Variants in CRISP3 observed in about 807,000 individuals in gnomAD.
CRISP3 encodes cysteine-rich secretory protein 3.
CRISP3 carries 33 observed loss-of-function variants against 36.1 expected under a neutral mutation model. The observed-to-expected ratio is 0.91, with a 90% CI of 0.69 to 1.22. CRISP3 has a LOEUF of 1.22. Among genes scored for constraint, CRISP3 ranks in the 50% most tolerant of loss-of-function variants. CRISP3 has a pLI of 0.00. For missense variants in CRISP3, 330 were observed against 301.2 expected, an observed-to-expected ratio of 1.10 and a Z score of -0.71; for synonymous variants, 117 against 104.6, an observed-to-expected ratio of 1.12 and a Z score of -0.72.
chr6:49,734,840 T>G (rs1052944599), intron 4 of CRISP3, among the ~76,000 whole-genome samples: 1 of 152,144 alleles, frequency 6.6e-6, no homozygotes, highest in Non-Finnish European at 1.5e-5. Flanking sequence ...TGATAGCTCA[T>G]CCATATGATA....
chr6:49,733,496 C>T (rs113241175), intron 5 of CRISP3, among the ~76,000 whole-genome samples: 6 of 152,090 alleles, frequency 3.9e-5, no homozygotes, highest in African/African-American at 1.2e-4. Context: ...TTTTTGAGAC[C>T]GTTGGACAAA....
In CRISP3 at chr6:49,737,245, A is replaced by G. The variant is rs897429322; in HGVS notation, c.111+80T>C. 8.3e-6 allele frequency: 9 copies of G among 1,090,112 alleles called. No individual in the cohort carries two copies. The African/African-American group carries it at 1.2e-4, about 15-fold the overall frequency. 67.5% of individuals were successfully genotyped at this position (1,090,112 alleles called of 1,614,324 possible). On this transcript the variant is annotated intron_variant, in intron 2 of 7. Transcript: ENST00000263045. ...TGTACCAGACACTCTAGACCTTTTC[A>G]CTTTTGAAGATTGATCTAGTAGCTT...
intron 5 of CRISP3, 52 bp from the exon 6 acceptor site, chr6:49,733,344 C>A (rs1451931469): frequency 1.6e-6 from 2 of 1,215,950 alleles, no homozygotes; most frequent in South Asian, 1.4e-5. Flanking sequence ...GAAGGAAATA[C>A]CAAAAAACAA....
At chr6:49,737,705 A>T (rs1561909464) in intron 1 of CRISP3, among the ~76,000 whole-genome samples, 1 of 152,198 alleles carries the variant, frequency 6.6e-6, no homozygotes, top group Non-Finnish European at 1.5e-5. Context: ...CTGTGTAACT[A>T]CTGTCTTTAG....
In CRISP3 at chr6:49,737,461, TAAC is replaced by T. The variant is rs770416145; in HGVS notation, c.38-66_38-64del. On this transcript the variant is annotated intron_variant, in intron 1 of 7. Transcript: ENST00000263045. Reference sequence around the variant, plus strand: ...AAAATGATTGGTACATGCTGTTGAGTAACATGGGGGTGGGAGAAACGTAATGAC... The same window carrying T: ...AAAATGATTGGTACATGCTGTTGAGTATGGGGGTGGGAGAAACGTAATGAC... The T allele has an allele frequency of 4.0e-5, 62 of 1,564,750 alleles. No homozygotes were observed. The African/African-American group carries it at 8.0e-4, about 20-fold the overall frequency.
In CRISP3 at chr6:49,736,402, T is replaced by C; in HGVS notation, c.217A>G (p.Met73Val). 1 of 1,608,754 alleles carries C rather than the reference T, an allele frequency of 6.2e-7. No homozygotes were observed. Among genetic ancestry groups the C allele is most frequent in the African/African-American group, 1.3e-5 (1 of 74,926 alleles). The change falls in exon 3 of 8, where the codon ATG becomes GTG. Residue 73 changes from methionine to valine, a missense_variant. Physicochemically the swap from Met to Val is conservative, Grantham distance 21. Transcript: ENST00000263045. The part of the protein sequence containing the change: ...RRAVSPPARN[M>V]LKMEWNKEAA... ...ATATCACCTCTTACCATCTTCAGCA[T>C]GTTTCTGGCAGGGGGAGATACTGCT...
At chr6:49,740,039 AT>A (rs1320295522) in intron 1 of CRISP3, among the ~76,000 whole-genome samples, 1 of 152,180 alleles carries the variant, frequency 6.6e-6, no homozygotes, top group Non-Finnish European at 1.5e-5. Flanking sequence ...AAGATTTATG[AT>A]TTCAAATAGT....
chr6:49,733,447 C>A, intron 5 of CRISP3, among the ~76,000 whole-genome samples, 155 bp from the exon 6 acceptor site: 1 of 152,126 alleles, frequency 6.6e-6, no homozygotes, highest in East Asian at 1.9e-4. Flanking sequence ...TTGAATCAAA[C>A]TAAAACACTT....
chr6:49,735,571 T>C lies in CRISP3; in HGVS notation c.249A>G (p.Ala83=). 1 of 1,612,620 alleles carries C rather than the reference T, an allele frequency of 6.2e-7. No homozygotes were observed. The highest frequency in any genetic ancestry group is 8.5e-7 in the Non-Finnish European group (1 of 1,179,148). Residue 83 remains alanine, a synonymous_variant, in exon 4 of 8, where the codon GCA becomes GCG. Transcript: ENST00000263045. ...MLKMEWNKEA[A]ANAQKWANQC... ...GGTTTGCCCACTTTTGGGCATTTGC[T>C]GCAGCCTCTTTGTTCCATTCCTGAA...
intron 4 of CRISP3, 112 bp downstream of exon 4, chr6:49,735,392 A>G: frequency 1.4e-6 from 1 of 736,834 alleles, no homozygotes; most frequent in South Asian, 1.7e-5. Flanking sequence ...ATATTGAAAA[A>G]GGTAGCATTA....
intron 7 of CRISP3, 42 bp downstream of exon 7, chr6:49,731,121 G>C (rs766488619): frequency 7.5e-7 from 1 of 1,331,840 alleles, no homozygotes; most frequent in Non-Finnish European, 1.1e-6. Context: ...AGAAATGTCA[G>C]ATCATTTTAT....
chr6:49,744,273 G>T, intron 1 of CRISP3, 58 bp downstream of exon 1: 3 of 1,250,910 alleles, frequency 2.4e-6, no homozygotes, highest in Non-Finnish European at 3.4e-6. Context: ...AGGTATAAAT[G>T]TGTTGTTCAC....
At chr6:49,743,021 TTATTC>T (rs1446896964) in intron 1 of CRISP3, among the ~76,000 whole-genome samples, 1 of 152,226 alleles carries the variant, frequency 6.6e-6, no homozygotes, top group African/African-American at 2.4e-5. Context: ...TAGTTAATCT[TTATTC>T]TGATCACTTT....
At chr6:49,741,153 A>C (rs988075241) in intron 1 of CRISP3, among the ~76,000 whole-genome samples, 2 of 27,584 alleles carry the variant, frequency 7.3e-5, no homozygotes, top group African/African-American at 1.9e-4. Flanking sequence ...AAAACCACCA[A>C]AAAAAAAAAA....
At chr6:49,733,480 C>G (rs911166091) in intron 5 of CRISP3, among the ~76,000 whole-genome samples, 188 bp from the exon 6 acceptor site, 1 of 152,058 alleles carries the variant, frequency 6.6e-6, no homozygotes, top group Admixed American at 6.6e-5. Flanking sequence ...TTTCCATGTA[C>G]ATTCCTTTTT....
intron 6 of CRISP3, among the ~76,000 whole-genome samples, chr6:49,732,747 G>A (rs745852895): frequency 1.8e-4 from 28 of 152,258 alleles, no homozygotes; most frequent in Admixed American, 3.9e-4. Flanking sequence ...TTTCTGATAA[G>A]CAGGAGTAAG....
rs1489730644 is a variant in CRISP3, at chr6:49,728,524, T to C, written c.*206A>G. The C allele has an allele frequency of 2.7e-6, 1 of 366,866 alleles. No individual in the cohort carries two copies. Among genetic ancestry groups the C allele is most frequent in the Non-Finnish European group, 4.7e-6 (1 of 210,874 alleles). 22.7% of individuals were successfully genotyped at this position (366,866 alleles called of 1,614,324 possible). ...ATATAAAAATCCAAAGTTGTTGTTA[T>C]AGATTTTGTTTCTTTTTAACCATTT... On this transcript the variant is annotated 3_prime_UTR_variant, in exon 8 of 8. Transcript: ENST00000263045.
intron 1 of CRISP3, among the ~76,000 whole-genome samples, chr6:49,737,898 T>C (rs963262696): frequency 6.6e-6 from 1 of 152,228 alleles, no homozygotes; most frequent in Non-Finnish European, 1.5e-5. Flanking sequence ...CCGTCAGGGA[T>C]CTGGCTCATA....
Position 49,728,869 on chromosome 6 carries a change from A to G in CRISP3, c.650-12T>C, listed in dbSNP as rs1768844537. 1 of 1,602,050 alleles carries G rather than the reference A, an allele frequency of 6.2e-7. No individual in the cohort carries two copies. Among genetic ancestry groups the G allele is most frequent in the Non-Finnish European group, 8.5e-7 (1 of 1,174,802 alleles). ...CTTGCAACCATTGGCTGGAATAAAA[A>G]CAAAGAAATTAGTCACTTCATTATC... On this transcript the variant is annotated splice_polypyrimidine_tract_variant and intron_variant, in intron 7 of 7. Transcript: ENST00000263045.
Sources: gnomAD v4.1 joint callset for allele counts (sites outside exome capture counted in the v4.1 genomes callset) on GRCh38, gnomAD v4.1.1 for gene constraint, MANE v1.5 for transcripts, NCBI Gene and HGNC (gene_info 2026-07-23, HGNC 2026-07-21) for gene names.